The following ARHGDIB variants were observed in gnomAD, a reference collection of about 807,000 sequenced individuals.
ARHGDIB encodes Rho GDP dissociation inhibitor beta, also known as rho GDP-dissociation inhibitor 2.
In ARHGDIB, 20 loss-of-function variants were observed where a neutral mutation model predicts 22.6. That is an observed-to-expected ratio of 0.88 (90% confidence interval 0.62 to 1.28). The LOEUF is 1.28. ARHGDIB is among the 50% of genes most tolerant of loss of function. The pLI, the probability that ARHGDIB is intolerant of heterozygous loss-of-function variation, is 0.00. For synonymous variants in ARHGDIB, 114 were observed against 96.1 expected (o/e 1.19, Z -1.09); for missense variants, 254 against 245.4 (o/e 1.04, Z -0.23).
At chr12:14,948,572 A>G (rs1340463080) in intron 3 of ARHGDIB, among the ~76,000 whole-genome samples, 1 of 152,206 alleles carries the variant, frequency 6.6e-6, no homozygotes. Context: ...GGTTCCATAA[A>G]ACCAGGATCT....
chr12:14,959,510 T>C (rs1036966685), intron 1 of ARHGDIB, among the ~76,000 whole-genome samples: 1 of 152,222 alleles, frequency 6.6e-6, no homozygotes, highest in Non-Finnish European at 1.5e-5. Flanking sequence ...TCACCAGGCC[T>C]GACACATAGA....
intron 1 of ARHGDIB, among the ~76,000 whole-genome samples, chr12:14,953,605 C>A (rs1864230506): frequency 6.6e-6 from 1 of 151,004 alleles, no homozygotes; most frequent in Non-Finnish European, 1.5e-5. Flanking sequence ...TTTTAAAAAT[C>A]TGATAAACAT....
chr12:14,953,950 C>CT, intron 1 of ARHGDIB, among the ~76,000 whole-genome samples: 3 of 146,266 alleles, frequency 2.1e-5, no homozygotes, highest in African/African-American at 7.7e-5. Context: ...TCCTTCCTTT[C>CT]TTCTTTCCTT....
At chr12:14,951,203 T>C (rs1283390004) in intron 1 of ARHGDIB, 1 of 153,336 alleles carries the variant, frequency 6.5e-6, no homozygotes, top group East Asian at 1.9e-4. Flanking sequence ...GCCAGAGAAA[T>C]GGTTGGCTCC....
rs556344829 is a variant in ARHGDIB, at chr12:14,955,493, CATAG to C, written c.-12-4773_-12-4770del. On this transcript the variant is annotated intron_variant, in intron 1 of 5. Transcript: ENST00000228945. The stretch of plus-strand genomic sequence containing the variant: ...TAAGATGTAAAATATGTCTGGGATA[CATAG>C]ATAGTGAAAAGGTTACTATAGTCAA... 2.2e-3 allele frequency among the ~76,000 whole-genome samples: 333 copies of C among 152,244 alleles called. 3 individuals are homozygous for C. Among genetic ancestry groups the C allele is most frequent in the Non-Finnish European group, 1.7e-3 (114 of 68,018 alleles).
rs761086345 is a variant in ARHGDIB, at chr12:14,947,860, G to A, written c.342+13C>T. On this transcript the variant is annotated intron_variant, in intron 4 of 5. Coordinates refer to ENST00000228945, the MANE Select transcript of ARHGDIB (RefSeq NM_001175.7). ...TTTAAACTTTACAAAAACACACAAG[G>A]CAGGATACTTACTTTGAAGTGAATT... 1.5e-5 allele frequency: 23 copies of A among 1,582,864 alleles called. No individual in the cohort carries two copies. Among genetic ancestry groups the A allele is most frequent in the Middle Eastern group, 1.7e-4 (1 of 6,032 alleles).
At chr12:14,947,103 G>T (rs1379456960) in intron 4 of ARHGDIB, among the ~76,000 whole-genome samples, 5 of 152,184 alleles carry the variant, frequency 3.3e-5, no homozygotes, top group East Asian at 1.9e-4. Context: ...CCTTGGTGGA[G>T]CCCAGGCCCT....
Position 14,944,802 on chromosome 12 carries a change from T to C in ARHGDIB, c.380A>G (p.Gln127Arg), listed in dbSNP as rs1221134951. ...RDIVSGLKYV[Q>R]HTYRTGVKVD... ...TTTCACCCCAGTCCTGTAGGTGTGC[T>C]GAACGTATTTCAGGCCTGACACAAT... The change falls in exon 5 of 6, where the codon CAG (glutamine) becomes CGG (arginine). Residue 127 changes from glutamine (Q) to arginine (R), a missense_variant. Gln to Arg is a conservative substitution (Grantham distance 43). Transcript: ENST00000228945. The C allele has an allele frequency of 6.2e-7, 1 of 1,613,774 alleles. No homozygotes were observed. The highest frequency in any genetic ancestry group is 1.1e-5 in the South Asian group (1 of 90,976).
In ARHGDIB at chr12:14,942,229, T is replaced by C. The variant is rs1863879294; in HGVS notation, c.*293A>G. ...AATTTGCCCATTTTCTGGCCTCTAGTTGCTTGAATAGGGGTAAGACAGGGA... is the reference window on the plus strand; with the variant it reads ...AATTTGCCCATTTTCTGGCCTCTAGCTGCTTGAATAGGGGTAAGACAGGGA... On this transcript the variant is annotated 3_prime_UTR_variant, in exon 6 of 6. Coordinates refer to ENST00000228945, the MANE Select transcript of ARHGDIB (RefSeq NM_001175.7). 1 of 357,120 alleles carries C rather than the reference T, an allele frequency of 2.8e-6. No homozygotes were observed. Among genetic ancestry groups the C allele is most frequent in the Non-Finnish European group, 5.3e-6 (1 of 189,442 alleles). The allele number at this position is 357,120 out of a possible 1,614,324, so 22.1% of individuals were successfully genotyped here.
chr12:14,946,545 G>A (rs372671290), intron 4 of ARHGDIB, among the ~76,000 whole-genome samples: 4 of 152,088 alleles, frequency 2.6e-5, no homozygotes, highest in Admixed American at 6.5e-5. Context: ...TCAACTTTAC[G>A]TAGGTTACCC....
chr12:14,944,745 T>G, intron 5 of ARHGDIB, 31 bp downstream of exon 5: 3 of 1,605,734 alleles, frequency 1.9e-6, no homozygotes, highest in Non-Finnish European at 2.6e-6. Context: ...AGAAGCAGTT[T>G]GGGACAGTGT....
chr12:14,948,100 G>GCGCGCGCACACACACA (rs71926892), intron 3 of ARHGDIB, 151 bp from the exon 4 acceptor site: 107 of 437,526 alleles, frequency 2.4e-4, no homozygotes, highest in African/African-American at 2.0e-3. Context: ...TTTAGTCCTT[G>GCGCGCGCACACACACA]CACACACACA....
chr12:14,956,427 GAGAAA>G (rs1864302759), intron 1 of ARHGDIB: 1 of 152,140 alleles, frequency 6.6e-6, no homozygotes, highest in African/African-American at 2.4e-5. Flanking sequence ...CTTGTGAAAT[GAGAAA>G]AGAAAAGAGG....
At chr12:14,958,993 G>A (rs1225485599) in intron 1 of ARHGDIB, among the ~76,000 whole-genome samples, 4 of 152,188 alleles carry the variant, frequency 2.6e-5, no homozygotes, top group Non-Finnish European at 5.9e-5. Context: ...TGGAATTGGA[G>A]AAAATTTCTT....
chr12:14,946,237 A>C (rs1365213716), intron 4 of ARHGDIB, among the ~76,000 whole-genome samples: 1 of 152,208 alleles, frequency 6.6e-6, no homozygotes, highest in Non-Finnish European at 1.5e-5. Flanking sequence ...TGGAAGTCAG[A>C]GATACCACAT....
chr12:14,956,007 A>G (rs1864293657), intron 1 of ARHGDIB, among the ~76,000 whole-genome samples: 1 of 152,226 alleles, frequency 6.6e-6, no homozygotes. Context: ...CCAGACCAGG[A>G]AACTAAAGTT....
chr12:14,959,181 G>A (rs1864360573), intron 1 of ARHGDIB, among the ~76,000 whole-genome samples: 1 of 152,180 alleles, frequency 6.6e-6, no homozygotes, highest in African/African-American at 2.4e-5. Context: ...GACTTTGGGA[G>A]GCCAAGGCAG....
chr12:14,945,571 C>T (rs781601139), intron 4 of ARHGDIB, among the ~76,000 whole-genome samples: 34 of 152,204 alleles, frequency 2.2e-4, no homozygotes, highest in Non-Finnish European at 3.8e-4. Context: ...TTTACACAGT[C>T]GTTATGTCTA....
chr12:14,954,098 C>T (rs1864246595), intron 1 of ARHGDIB, among the ~76,000 whole-genome samples: 1 of 152,126 alleles, frequency 6.6e-6, no homozygotes, highest in Admixed American at 6.6e-5. Flanking sequence ...CTTGCCTCAG[C>T]CTTCTGAGTA....
Sources: gnomAD v4.1 joint callset for allele counts (sites outside exome capture counted in the v4.1 genomes callset) on GRCh38, gnomAD v4.1.1 for gene constraint, MANE v1.5 for transcripts, NCBI Gene and HGNC (gene_info 2026-07-23, HGNC 2026-07-21) for gene names.